Variants in SCARB1 observed in about 807,000 individuals in gnomAD.
The protein encoded by SCARB1 is CD36 and LIMPII analogous 1.
In SCARB1, 30 loss-of-function variants were observed where a neutral mutation model predicts 57.2. The observed-to-expected ratio is 0.52, with a 90% confidence interval of 0.39 to 0.71. SCARB1 has a LOEUF of 0.71. Among genes scored for constraint, SCARB1 ranks in the 30% least tolerant of loss-of-function variants. The pLI is 0.00. For missense variants in SCARB1, 543 were observed against 671.2 expected (o/e 0.81, Z 2.11); for synonymous variants, 249 against 268.3 (o/e 0.93, Z 0.70).
chr12:124,837,472 A>AAAGG (rs199725164), intron 1 of SCARB1, among the ~76,000 whole-genome samples: 2,469 of 72,576 alleles, frequency 0.034, 83 homozygotes, highest in African/African-American at 0.057. Flanking sequence ...AGAAAGAAAG[A>AAAGG]AAGGAAGGAA....
chr12:124,809,477 G>C (rs1266870856), intron 6 of SCARB1, among the ~76,000 whole-genome samples: 4 of 152,232 alleles, frequency 2.6e-5, no homozygotes, highest in Non-Finnish European at 5.9e-5. Context: ...TGGCCACACA[G>C]AGCAAAAGCA....
At chr12:124,806,321 C>T (rs1337741577) in intron 7 of SCARB1, among the ~76,000 whole-genome samples, 1 of 152,114 alleles carries the variant, frequency 6.6e-6, no homozygotes, top group African/African-American at 2.4e-5. Context: ...CAAACTGACG[C>T]CCGAGGGTCC....
intron 1 of SCARB1, among the ~76,000 whole-genome samples, chr12:124,836,169 C>A (rs4765621): frequency 6.6e-6 from 1 of 151,952 alleles, no homozygotes; most frequent in Non-Finnish European, 1.5e-5. Flanking sequence ...GAAGAGGACA[C>A]GCAATTCACA....
chr12:124,800,254 G>A lies in SCARB1; in HGVS notation c.1010-12C>T. 4 of 1,580,694 alleles carry A rather than the reference G, an allele frequency of 2.5e-6. No individual in the cohort carries two copies. Among genetic ancestry groups the A allele is most frequent in the South Asian group, 1.1e-5 (1 of 90,410 alleles). Reference sequence around the variant, plus strand: ...AAACAAGGGGGCACCTAGAAGAGGGGCAGGGAGGGGACATCAGACAAGGAC... The same window carrying A: ...AAACAAGGGGGCACCTAGAAGAGGGACAGGGAGGGGACATCAGACAAGGAC... On this transcript the variant is annotated splice_polypyrimidine_tract_variant and intron_variant, in intron 7 of 12. Transcript: ENST00000261693. This position sits in a 1 kb window ranked among gnomAD's most constrained non-coding sequence, Gnocchi z 4.8.
At chr12:124,833,194 T>TA (rs1491334596) in intron 1 of SCARB1, among the ~76,000 whole-genome samples, 1 of 22,454 alleles carries the variant, frequency 4.5e-5, no homozygotes, top group East Asian at 9.4e-3. Context: ...GATCCTTAAC[T>TA]TTTTTTTTTT....
chr12:124,841,285 T>C (rs1951896162), intron 1 of SCARB1, among the ~76,000 whole-genome samples: 1 of 148,694 alleles, frequency 6.7e-6, no homozygotes, highest in Non-Finnish European at 1.5e-5. Flanking sequence ...GGCAGGAGAA[T>C]GGCATGAACC....
chr12:124,825,017 G>T (rs1263457322), intron 1 of SCARB1, among the ~76,000 whole-genome samples: 1 of 152,026 alleles, frequency 6.6e-6, no homozygotes, highest in Non-Finnish European at 1.5e-5. Flanking sequence ...GAGGTCAGGA[G>T]ATCGAGATCA....
chr12:124,799,947 A>T (rs1275069054), intron 8 of SCARB1, among the ~76,000 whole-genome samples, 177 bp downstream of exon 8: 1 of 152,174 alleles, frequency 6.6e-6, no homozygotes, highest in Non-Finnish European at 1.5e-5. Flanking sequence ...AAACCCTTGA[A>T]CTACCTTGAA....
chr12:124,809,742 A>C (rs932685952), intron 6 of SCARB1, among the ~76,000 whole-genome samples: 6 of 152,160 alleles, frequency 3.9e-5, no homozygotes, highest in African/African-American at 1.4e-4. Context: ...TGTAGGAGCC[A>C]CCCACTGTCT....
At chr12:124,794,328 T>A (rs1949850758) in intron 9 of SCARB1, among the ~76,000 whole-genome samples, 1 of 152,178 alleles carries the variant, frequency 6.6e-6, no homozygotes, top group East Asian at 1.9e-4. Context: ...AGTTTTATGG[T>A]ACATGCATTA....
In SCARB1 at chr12:124,817,764, A is replaced by C; in HGVS notation, c.127-57T>G. ...GAGAGTGATGAGGGCCCCACGCCCC[A>C]CCACAAGGCTCCGGAACAGCTGCCC... On this transcript the variant is annotated intron_variant, in intron 1 of 12. Coordinates refer to ENST00000261693, the MANE Select transcript of SCARB1 (RefSeq NM_005505.5). This position sits in a 1 kb window ranked among gnomAD's most constrained non-coding sequence, Gnocchi z 4.8. 1 of 1,594,022 alleles carries C rather than the reference A, an allele frequency of 6.3e-7. No individual in the cohort carries two copies. Among genetic ancestry groups the C allele is most frequent in the South Asian group, 1.1e-5 (1 of 90,622 alleles).
intron 1 of SCARB1, among the ~76,000 whole-genome samples, chr12:124,845,238 G>C (rs1952093657): frequency 6.6e-6 from 1 of 152,150 alleles, no homozygotes; most frequent in African/African-American, 2.4e-5. Flanking sequence ...ATCCACAGAG[G>C]CGCGGAAAAA....
At chr12:124,785,943 C>T in intron 11 of SCARB1, 1 of 914,196 alleles carries the variant, frequency 1.1e-6, no homozygotes, top group Non-Finnish European at 1.6e-6. Context: ...TTTCATCTGT[C>T]TCCCCGGCTG....
intron 1 of SCARB1, among the ~76,000 whole-genome samples, chr12:124,856,941 T>G (rs556585802): frequency 3.9e-5 from 6 of 152,286 alleles, no homozygotes; most frequent in Admixed American, 6.5e-5. Flanking sequence ...CAGGGTGCAC[T>G]CTGCACCAGC....
At chr12:124,815,593 C>T (rs148736512) in intron 2 of SCARB1, among the ~76,000 whole-genome samples, 20 of 152,342 alleles carry the variant, frequency 1.3e-4, no homozygotes, top group African/African-American at 4.8e-4. Context: ...AGGTCGGGAG[C>T]AGTGGCTCAT....
At chr12:124,852,954 G>A (rs1278955860) in intron 1 of SCARB1, among the ~76,000 whole-genome samples, 1 of 152,226 alleles carries the variant, frequency 6.6e-6, no homozygotes, top group South Asian at 2.1e-4. Context: ...CTGGAGAGTC[G>A]TTTGAACCGG....
Position 124,810,175 on chromosome 12 carries a change from G to A in SCARB1, c.841C>T (p.Arg281Ter), listed in dbSNP as rs771957199. ...GAGGCCCCGAGTCCCAGTGATTACC[G>A]GCAGGCCTCCGGGCTGTAGAACTCC... Reference protein sequence around the residue: ...SLEFYSPEACRSMKLMYKESG... With the variant: ...SLEFYSPEAC Residue 281 changes from arginine to a stop codon, truncating the protein, a stop_gained and splice_region_variant, in exon 6 of 13, where the codon CGA (arginine) becomes TGA (stop). Transcript: ENST00000261693. LOFTEE classifies it high-confidence loss of function. The surrounding 1 kb of genome is among the most constrained non-coding windows in gnomAD (Gnocchi z 4.0). The A allele has an allele frequency of 6.8e-6, 11 of 1,608,570 alleles. No individual in the cohort carries two copies. Among genetic ancestry groups the A allele is most frequent in the Admixed American group, 3.3e-5 (2 of 59,998 alleles).
chr12:124,854,875 C>T (rs551175388), intron 1 of SCARB1, among the ~76,000 whole-genome samples: 4 of 152,022 alleles, frequency 2.6e-5, no homozygotes, highest in East Asian at 1.9e-4. Flanking sequence ...GTTGGACACT[C>T]GGGGGTGGGG....
intron 1 of SCARB1, among the ~76,000 whole-genome samples, chr12:124,837,378 A>G (rs1189638829): frequency 6.6e-6 from 1 of 151,720 alleles, no homozygotes; most frequent in East Asian, 1.9e-4. Context: ...CTCACCCCAC[A>G]AGCTAACAAT....
Sources: allele counts gnomAD v4.1 joint callset (sites outside exome capture counted in the v4.1 genomes callset), GRCh38; gene constraint gnomAD v4.1.1; non-coding constraint Gnocchi (gnomAD v3.1); transcripts MANE v1.5; gene names NCBI Gene and HGNC (gene_info 2026-07-23, HGNC 2026-07-21).